MVB12B: variants seen among roughly 807,000 people sequenced by gnomAD.
MVB12B encodes ESCRT-I complex subunit MVB12B.
In MVB12B, 16 loss-of-function variants were observed where a neutral mutation model predicts 41.6. The ratio of observed to expected loss-of-function variants is 0.38; its 90% CI spans 0.26 to 0.58. The LOEUF is 0.58. Among genes scored for constraint, MVB12B ranks in the 20% least tolerant of loss-of-function variants. The pLI is 0.62. For missense variants in MVB12B, 274 were observed against 380.2 expected (o/e 0.72, Z 2.32); for synonymous variants, 133 against 139.7 (o/e 0.95, Z 0.34).
chr9:126,442,104 A>C (rs1832655610), intron 7 of MVB12B, among the ~76,000 whole-genome samples: 1 of 152,186 alleles, frequency 6.6e-6, no homozygotes, highest in African/African-American at 2.4e-5. Flanking sequence ...TCTGAGATGT[A>C]CTTTCCCTAT....
chr9:126,502,260 G>A (rs1255674805), intron 9 of MVB12B, among the ~76,000 whole-genome samples: 1 of 152,050 alleles, frequency 6.6e-6, no homozygotes, highest in East Asian at 1.9e-4. Flanking sequence ...GTCCGGCCAG[G>A]CAGCTGCCAG....
rs1833040207 is a variant in MVB12B at position 126,459,119 on chromosome 9, C to T, written c.758-22250C>T. ...ACAGCAGGTCTGGACCTAAGAGAAC[C>T]CCCAGGTTGGGTTACATACTAAGGA... On this transcript the variant is annotated intron_variant, in intron 7 of 9. Transcript: ENST00000361171. The surrounding 1 kb of genome is among the most constrained non-coding windows in gnomAD (Gnocchi z 4.3). 6.6e-6 allele frequency among the ~76,000 whole-genome samples: 1 copy of T among 152,180 alleles called. No homozygotes were observed. The highest frequency in any genetic ancestry group is 1.5e-5 in the Non-Finnish European group (1 of 68,028).
intron 7 of MVB12B, among the ~76,000 whole-genome samples, chr9:126,440,317 T>C (rs1053422776): frequency 6.6e-6 from 1 of 152,244 alleles, no homozygotes; most frequent in African/African-American, 2.4e-5. Flanking sequence ...TGAGAGGCGC[T>C]GATAGCCTTG....
At chr9:126,464,449 G>T (rs1395704777) in intron 7 of MVB12B, among the ~76,000 whole-genome samples, 1 of 152,200 alleles carries the variant, frequency 6.6e-6, no homozygotes, top group Admixed American at 6.5e-5. Context: ...GATCAACCTG[G>T]AAGGGCCTGG....
intron 9 of MVB12B, among the ~76,000 whole-genome samples, chr9:126,500,068 T>C (rs28376322): frequency 0.28 from 43,174 of 152,028 alleles, 7,942 homozygotes; most frequent in African/African-American, 0.52. Context: ...AAGCTCCCGC[T>C]AGGCCCGGGC....
chr9:126,331,094 C>T (rs1041387241), intron 1 of MVB12B, among the ~76,000 whole-genome samples: 7 of 152,070 alleles, frequency 4.6e-5, no homozygotes, highest in African/African-American at 1.7e-4. Context: ...TTTGAGACCC[C>T]GATTTAAATT....
intron 9 of MVB12B, among the ~76,000 whole-genome samples, chr9:126,496,017 C>T (rs1213178519): frequency 1.3e-5 from 2 of 152,090 alleles, no homozygotes; most frequent in South Asian, 2.1e-4. Context: ...CTCAGTCATG[C>T]CCAGGGGCCC....
intron 7 of MVB12B, among the ~76,000 whole-genome samples, chr9:126,441,884 A>T (rs1832650006): frequency 6.6e-6 from 1 of 152,256 alleles, no homozygotes; most frequent in Non-Finnish European, 1.5e-5. Flanking sequence ...AAAGTTCTAG[A>T]TAGCTGAATG....
chr9:126,399,059 G>A (rs1200538547), intron 6 of MVB12B, among the ~76,000 whole-genome samples: 2 of 152,124 alleles, frequency 1.3e-5, no homozygotes, highest in African/African-American at 4.8e-5. Context: ...CTCCGTTATT[G>A]CAGAAAATGC....
At chr9:126,377,494 C>A (rs1830514656) in intron 2 of MVB12B, among the ~76,000 whole-genome samples, 2 of 152,118 alleles carry the variant, frequency 1.3e-5, no homozygotes, top group Admixed American at 1.3e-4. Flanking sequence ...TGGATTAAAT[C>A]CTGGAAATTT....
intron 7 of MVB12B, among the ~76,000 whole-genome samples, chr9:126,461,808 G>A (rs1328052053): frequency 2.0e-5 from 3 of 151,600 alleles, no homozygotes; most frequent in East Asian, 3.9e-4. Flanking sequence ...AAGGCCCTGA[G>A]CCCCGACTGG....
intron 6 of MVB12B, among the ~76,000 whole-genome samples, chr9:126,415,305 A>T (rs4836541): frequency 0.12 from 18,754 of 152,220 alleles, 1,559 homozygotes; most frequent in East Asian, 0.38. Context: ...CAAGCATGAA[A>T]ATAAGGACTT....
At chr9:126,438,933 C>T (rs1472008107) in intron 7 of MVB12B, among the ~76,000 whole-genome samples, 6 of 152,070 alleles carry the variant, frequency 3.9e-5, no homozygotes, top group African/African-American at 9.7e-5. Flanking sequence ...GATACTCGAT[C>T]GCTGCAAGGT....
intron 5 of MVB12B, among the ~76,000 whole-genome samples, chr9:126,394,041 T>C (rs1328638889): frequency 6.6e-6 from 1 of 152,206 alleles, no homozygotes; most frequent in Non-Finnish European, 1.5e-5. Flanking sequence ...CGGTGGGTGT[T>C]CAGCTCTGGC....
intron 7 of MVB12B, among the ~76,000 whole-genome samples, chr9:126,427,576 A>G (rs775335534): frequency 6.6e-6 from 1 of 152,146 alleles, no homozygotes; most frequent in Non-Finnish European, 1.5e-5. Flanking sequence ...TCTGATTTCT[A>G]TCTCCAAGTG....
rs572962276 is a variant in MVB12B, at chr9:126,436,681, A to G, written c.757+14733A>G. 6.6e-6 allele frequency among the ~76,000 whole-genome samples: 1 copy of G among 152,332 alleles called. No individual in the cohort carries two copies. Among genetic ancestry groups the G allele is most frequent in the East Asian group, 1.9e-4 (1 of 5,186 alleles). ...TTAAGGTCTGGTTCCTTAAATCCGT[A>G]GTGGCTCAGCATATAGTCCTTTGTC... On this transcript the variant is annotated intron_variant, in intron 7 of 9. Coordinates refer to ENST00000361171, the MANE Select transcript of MVB12B (RefSeq NM_033446.3). The surrounding 1 kb of genome is among the most constrained non-coding windows in gnomAD (Gnocchi z 4.1).
At chr9:126,355,704 T>C (rs1213319465) in intron 2 of MVB12B, among the ~76,000 whole-genome samples, 4 of 152,166 alleles carry the variant, frequency 2.6e-5, no homozygotes, top group Non-Finnish European at 5.9e-5. Context: ...TTTAACCTAT[T>C]CTTCTACAAT....
chr9:126,479,347 C>T (rs1300310110), intron 7 of MVB12B, among the ~76,000 whole-genome samples: 2 of 152,176 alleles, frequency 1.3e-5, no homozygotes, highest in Admixed American at 1.3e-4. Context: ...GGAGCTGGCA[C>T]ACCTCTTCCT....
intron 2 of MVB12B, among the ~76,000 whole-genome samples, chr9:126,364,597 G>A (rs534367469): frequency 6.6e-6 from 1 of 152,304 alleles, no homozygotes; most frequent in South Asian, 2.1e-4. Flanking sequence ...CAAACATGGT[G>A]TCTTTTATCA....
Sources: gnomAD v4.1 joint callset for allele counts (sites outside exome capture counted in the v4.1 genomes callset) on GRCh38, gnomAD v4.1.1 for gene constraint, Gnocchi (gnomAD v3.1) non-coding constraint, MANE v1.5 for transcripts, NCBI Gene and HGNC (gene_info 2026-07-23, HGNC 2026-07-21) for gene names.